The following CYLD variants were observed in gnomAD, a reference collection of about 807,000 sequenced individuals.
CYLD encodes the protein CYLD lysine 63 deubiquitinase, also known as ubiquitin carboxyl-terminal hydrolase CYLD.
Under a neutral mutation model 104.5 loss-of-function variants are expected in CYLD, and 26 were observed. That is an observed-to-expected ratio of 0.25 (90% CI 0.18 to 0.35). The LOEUF is 0.35. Ranked by LOEUF, CYLD falls within the 10% of genes least tolerant of loss-of-function variation. The probability of loss-of-function intolerance (pLI) is 1.00; values close to 1 mark genes in which losing one functional copy is unlikely to be tolerated. For missense variants in CYLD, 703 were observed against 1,136.1 expected, an observed-to-expected ratio of 0.62 and a Z score of 5.48; for synonymous variants, 385 against 399.9, an observed-to-expected ratio of 0.96 and a Z score of 0.45.
At position 50,754,241 on chromosome 16, in the gene CYLD, G is replaced by A. The variant is rs1030520657; in HGVS notation, c.808-78G>A. 1.3e-5 allele frequency: 12 copies of A among 937,486 alleles called. No individual in the cohort carries two copies. The East Asian group carries it at 3.0e-4, about 24-fold the overall frequency. The allele number at this position is 937,486 out of a possible 1,614,324, so 58.1% of individuals were successfully genotyped here. A position where few individuals can be genotyped will look rare whatever the true frequency, so the allele number is the denominator to read the frequency against. ...TTTACCAATGTAAAATATTTTGGAGGATTCTTTATGGAAAATACAGACTTC... is the reference window on the plus strand; with the variant it reads ...TTTACCAATGTAAAATATTTTGGAGAATTCTTTATGGAAAATACAGACTTC... On this transcript the variant is annotated intron_variant, in intron 4 of 18. Transcript: ENST00000427738.
rs528845718 is a variant in CYLD, at chr16:50,762,165, C to T, written c.913+7741C>T. On this transcript the variant is annotated intron_variant, in intron 5 of 18. Coordinates refer to ENST00000427738, the MANE Select transcript of CYLD (RefSeq NM_001378743.1). Reference sequence around the variant, plus strand: ...AAGCAACCTCCCATCATCCACCCCCCGCCACCCCAAGCCCCCTTTATTCAT... The same window carrying T: ...AAGCAACCTCCCATCATCCACCCCCTGCCACCCCAAGCCCCCTTTATTCAT... 1.2e-4 allele frequency among the ~76,000 whole-genome samples: 19 copies of T among 152,210 alleles called. No individual in the cohort carries two copies. The East Asian group carries it at 2.5e-3, about 20-fold the overall frequency.
At chr16:50,780,989 G>A (rs1970169028) in intron 9 of CYLD, among the ~76,000 whole-genome samples, 1 of 152,138 alleles carries the variant, frequency 6.6e-6, no homozygotes, top group Non-Finnish European at 1.5e-5. Flanking sequence ...TTTAACCAGG[G>A]GAGGTTGAAG....
At chr16:50,742,328 C>T (rs1446310587) in intron 1 of CYLD, 1 of 151,486 alleles carries the variant, frequency 6.6e-6, no homozygotes. Context: ...GCCCTCGGCG[C>T]CGGCCCGTTA....
chr16:50,751,225 G>C (rs1966590075), intron 3 of CYLD, among the ~76,000 whole-genome samples: 1 of 152,134 alleles, frequency 6.6e-6, no homozygotes, highest in African/African-American at 2.4e-5. Context: ...TGTTTTTGTG[G>C]TACATTGATG....
chr16:50,796,979 A>G lies in CYLD; in HGVS notation c.*471A>G. ...AGAGTCTACTCTCAATCCAGTTATT[A>G]GAGATGTACTGAGTTTGATTTGTTA... On this transcript the variant is annotated 3_prime_UTR_variant, in exon 19 of 19. Transcript: ENST00000427738. 3.6e-6 allele frequency: 1 copy of G among 277,406 alleles called. No individual in the cohort carries two copies. Among genetic ancestry groups the G allele is most frequent in the Admixed American group, 4.7e-5 (1 of 21,296 alleles). 17.2% of individuals were successfully genotyped at this position (277,406 alleles called of 1,614,324 possible). A position where few individuals can be genotyped will look rare whatever the true frequency, so the allele number is the denominator to read the frequency against.
chr16:50,764,675 G>A (rs545528536), intron 5 of CYLD, among the ~76,000 whole-genome samples: 1 of 152,102 alleles, frequency 6.6e-6, no homozygotes, highest in African/African-American at 2.4e-5. Flanking sequence ...CATTTTTTAG[G>A]TCTAAGCCCG....
Position 50,749,631 on chromosome 16 carries a change from T to G in CYLD, c.-68T>G, listed in dbSNP as rs1205332539. ...TGGGACTGCCACTGAATTTATCTTT[T>G]GCGGTTTTATGACAAAGTTATTAGT... is the stretch of plus-strand genomic sequence containing the variant. On this transcript the variant is annotated 5_prime_UTR_variant, in exon 3 of 19. Transcript: ENST00000427738. 20 of 1,511,462 alleles carry G rather than the reference T, an allele frequency of 1.3e-5. No homozygotes were observed. The highest frequency in any genetic ancestry group is 1.7e-5 in the Non-Finnish European group (19 of 1,101,308). 93.6% of individuals were successfully genotyped at this position (1,511,462 alleles called of 1,614,324 possible).
At chr16:50,791,851 C>T (rs1254725439) in intron 15 of CYLD, among the ~76,000 whole-genome samples, 161 bp downstream of exon 15, 1 of 152,136 alleles carries the variant, frequency 6.6e-6, no homozygotes, top group Non-Finnish European at 1.5e-5. Flanking sequence ...TTCAACTTTG[C>T]CTTTACAGAA....
In CYLD at chr16:50,777,820, T is replaced by C; in HGVS notation, c.1022-5T>C. The C allele has an allele frequency of 6.7e-7, 1 of 1,495,604 alleles. No individual in the cohort carries two copies. Among genetic ancestry groups the C allele is most frequent in the Non-Finnish European group, 9.3e-7 (1 of 1,073,406 alleles). 92.6% of individuals were successfully genotyped at this position (1,495,604 alleles called of 1,614,324 possible). On this transcript the variant is annotated splice_polypyrimidine_tract_variant and splice_region_variant and intron_variant, in intron 7 of 18. Coordinates refer to ENST00000427738, the MANE Select transcript of CYLD (RefSeq NM_001378743.1). ...TTTTAAATGAAACTTTTCTTGTTCCTATAGGATCTACCTCAGACCCTGGAA... is the reference window on the plus strand; with the variant it reads ...TTTTAAATGAAACTTTTCTTGTTCCCATAGGATCTACCTCAGACCCTGGAA...
chr16:50,767,626 T>C (rs1968661959), intron 5 of CYLD, among the ~76,000 whole-genome samples: 1 of 152,184 alleles, frequency 6.6e-6, no homozygotes, highest in Non-Finnish European at 1.5e-5. Context: ...TTATACTGAA[T>C]AAGTTAGGAG....
intron 5 of CYLD, among the ~76,000 whole-genome samples, chr16:50,773,061 C>T (rs971926055): frequency 6.6e-6 from 1 of 152,188 alleles, no homozygotes; most frequent in Non-Finnish European, 1.5e-5. Context: ...CCTCATTCTA[C>T]TCAAGTAAAC....
chr16:50,784,126 A>G (rs1369377778), intron 11 of CYLD: 2 of 533,538 alleles, frequency 3.7e-6, no homozygotes, highest in Non-Finnish European at 6.7e-6. Context: ...TGTTGTCCTT[A>G]ACATGGAAGG....
Position 50,791,603 on chromosome 16 carries a change from T to C in CYLD, c.2154T>C (p.Phe718=). The stretch of plus-strand genomic sequence containing the variant: ...AAGATTGTTACTTCTATCAAATTTT[T>C]ATGGAAAAAAATGAGAAAGTTGGCG... ...KVQDCYFYQI[F]MEKNEKVGVP... Residue 718 remains phenylalanine, a synonymous_variant, in exon 15 of 19, where the codon TTT becomes TTC. Coordinates refer to ENST00000427738, the MANE Select transcript of CYLD (RefSeq NM_001378743.1). The C allele has an allele frequency of 6.2e-7, 1 of 1,613,922 alleles. No individual in the cohort carries two copies. Among genetic ancestry groups the C allele is most frequent in the Non-Finnish European group, 8.5e-7 (1 of 1,179,866 alleles).
In CYLD at chr16:50,761,848, C is replaced by A. The variant is rs79756687; in HGVS notation, c.913+7424C>A. Among the ~76,000 whole-genome samples the A allele has an allele frequency of 1.4e-4, 21 of 151,892 alleles. No homozygotes were observed. The East Asian group carries it at 4.1e-3, about 29-fold the overall frequency. ...AAATCCAATCTAGTTTTTATTTTTG[C>A]CCACAGGTAGAAGATACCCTGTTGT... On this transcript the variant is annotated intron_variant, in intron 5 of 18. Coordinates refer to ENST00000427738, the MANE Select transcript of CYLD (RefSeq NM_001378743.1).
chr16:50,767,660 A>G (rs555638419), intron 5 of CYLD, among the ~76,000 whole-genome samples: 6 of 152,158 alleles, frequency 3.9e-5, no homozygotes, highest in Non-Finnish European at 8.8e-5. Context: ...TTAGTTTAGT[A>G]TTATAATTTA....
At chr16:50,785,517 A>G (rs1970717632) in intron 12 of CYLD, 1 of 152,170 alleles carries the variant, frequency 6.6e-6, no homozygotes, top group Non-Finnish European at 1.5e-5. Context: ...GTCTTATGCA[A>G]ATTTTTAAAC....
At chr16:50,755,873 C>G (rs1967175986) in intron 5 of CYLD, among the ~76,000 whole-genome samples, 1 of 152,088 alleles carries the variant, frequency 6.6e-6, no homozygotes, top group South Asian at 2.1e-4. Context: ...TTAATTAAGT[C>G]TCATCTATTT....
In CYLD at chr16:50,779,786, A is replaced by G. The variant is rs747103458; in HGVS notation, c.1260A>G (p.Pro420=). Residue 420 remains proline, a synonymous_variant, in exon 9 of 19, where the codon CCA becomes CCG. Coordinates refer to ENST00000427738, the MANE Select transcript of CYLD (RefSeq NM_001378743.1). ...LTTENRFHSL[P]FSLTKMPNTN... ...CCGAGAACAGATTCCACTCTTTACC[A>G]TTCAGTCTCACCAAGATGCCCAATA... The G allele has an allele frequency of 3.7e-6, 6 of 1,613,676 alleles. No individual in the cohort carries two copies. The Admixed American group carries it at 6.7e-5, about 18-fold the overall frequency.
At chr16:50,754,497 T>C (rs2150912823) in intron 5 of CYLD, 73 bp downstream of exon 5, 1 of 996,498 alleles carries the variant, frequency 1.0e-6, no homozygotes, top group Admixed American at 2.1e-5. Context: ...TATATCAATA[T>C]GTTTTGGGGG....
Sources: gnomAD v4.1 joint callset for allele counts (sites outside exome capture counted in the v4.1 genomes callset) on GRCh38, gnomAD v4.1.1 for gene constraint, MANE v1.5 for transcripts, NCBI Gene and HGNC (gene_info 2026-07-23, HGNC 2026-07-21) for gene names.